Variants in MAGI1 observed in about 807,000 individuals in gnomAD.
MAGI1 encodes membrane associated guanylate kinase, WW and PDZ domain containing 1.
MAGI1 carries 58 observed loss-of-function variants against 139.9 expected under a neutral mutation model. The observed-to-expected ratio is 0.41, with a 90% confidence interval of 0.34 to 0.52. The LOEUF (loss-of-function observed/expected upper bound fraction) is 0.52, where lower values mean the gene tolerates loss of function less well. Among genes scored for constraint, MAGI1 ranks in the 20% least tolerant of loss-of-function variants. The pLI is 0.12. For missense variants in MAGI1, 1,874 were observed against 1,901.6 expected, an observed-to-expected ratio of 0.99 and a Z score of 0.27; for synonymous variants, 812 against 737.9, an observed-to-expected ratio of 1.10 and a Z score of -1.63.
intron 1 of MAGI1, among the ~76,000 whole-genome samples, chr3:65,953,560 C>T (rs977288579): frequency 6.6e-6 from 1 of 152,194 alleles, no homozygotes; most frequent in Non-Finnish European, 1.5e-5. Context: ...CCAATTGCAC[C>T]AGTGTCAAGA....
At chr3:65,619,859 T>A (rs2083574286) in intron 2 of MAGI1, 1 of 985,044 alleles carries the variant, frequency 1.0e-6, no homozygotes. Flanking sequence ...ACCTGTTTTC[T>A]CTTTTAGTAG....
At chr3:65,387,361 A>T in intron 14 of MAGI1, 1 of 589,258 alleles carries the variant, frequency 1.7e-6, no homozygotes, top group East Asian at 3.0e-5. Flanking sequence ...ATGTTAAAAG[A>T]CTATAGTTTG....
At chr3:65,664,659 A>G (rs2086398641) in intron 1 of MAGI1, among the ~76,000 whole-genome samples, 1 of 152,206 alleles carries the variant, frequency 6.6e-6, no homozygotes, top group South Asian at 2.1e-4. Flanking sequence ...CTCAAAATCA[A>G]TACTCACAGC....
At chr3:65,503,876 A>G (rs1198217844) in intron 2 of MAGI1, among the ~76,000 whole-genome samples, 1 of 152,202 alleles carries the variant, frequency 6.6e-6, no homozygotes, top group East Asian at 1.9e-4. Context: ...AAATCCAAGT[A>G]GCTCCAAAGG....
intron 1 of MAGI1, among the ~76,000 whole-genome samples, chr3:65,971,871 C>T (rs1415186088): frequency 6.6e-6 from 1 of 152,180 alleles, no homozygotes; most frequent in Non-Finnish European, 1.5e-5. Flanking sequence ...AAACTTCTTA[C>T]GCTGCTTCAC....
chr3:65,543,660 C>T (rs988907149), intron 2 of MAGI1, among the ~76,000 whole-genome samples: 1 of 151,912 alleles, frequency 6.6e-6, no homozygotes, highest in African/African-American at 2.4e-5. Flanking sequence ...AACAGAAAAC[C>T]AAACACCACA....
chr3:65,762,075 T>C (rs2037076443), intron 1 of MAGI1, among the ~76,000 whole-genome samples: 1 of 152,146 alleles, frequency 6.6e-6, no homozygotes, highest in Admixed American at 6.6e-5. Flanking sequence ...GCCTCATTTT[T>C]TCTTTATGGT....
chr3:65,380,136 C>T (rs1028848800), intron 16 of MAGI1, among the ~76,000 whole-genome samples: 1 of 152,164 alleles, frequency 6.6e-6, no homozygotes, highest in Admixed American at 6.5e-5. Flanking sequence ...GTGTCAACAT[C>T]GACTCTGATC....
intron 1 of MAGI1, among the ~76,000 whole-genome samples, chr3:65,849,287 A>C (rs1318717123): frequency 1.3e-5 from 2 of 151,034 alleles, no homozygotes; most frequent in Admixed American, 1.3e-4. Context: ...AGTCTCCCAA[A>C]GTGCTAGGAT....
At chr3:65,534,494 A>G (rs897709074) in intron 2 of MAGI1, among the ~76,000 whole-genome samples, 1 of 152,116 alleles carries the variant, frequency 6.6e-6, no homozygotes, top group Non-Finnish European at 1.5e-5. Flanking sequence ...TGTCTCTAAA[A>G]AAGAAAAAAA....
At chr3:65,403,005 A>T (rs1945034978) in intron 12 of MAGI1, among the ~76,000 whole-genome samples, 1 of 152,156 alleles carries the variant, frequency 6.6e-6, no homozygotes, top group African/African-American at 2.4e-5. Context: ...TGATACAGAG[A>T]ATCTGAGGAC....
intron 1 of MAGI1, among the ~76,000 whole-genome samples, chr3:65,836,933 G>C (rs1022225195): frequency 6.6e-6 from 1 of 152,092 alleles, no homozygotes; most frequent in Non-Finnish European, 1.5e-5. Context: ...CACTGTCTTT[G>C]AAACTGTTAA....
chr3:65,384,620 G>A (rs1210598943), intron 14 of MAGI1, among the ~76,000 whole-genome samples: 3 of 152,240 alleles, frequency 2.0e-5, no homozygotes, highest in Middle Eastern at 6.8e-3. Flanking sequence ...TGTACTCCTA[G>A]CTATTCGGGA....
At chr3:65,980,228 T>G (rs769962103) in intron 1 of MAGI1, among the ~76,000 whole-genome samples, 13 of 152,206 alleles carry the variant, frequency 8.5e-5, no homozygotes, top group Non-Finnish European at 1.8e-4. Context: ...AGCCATACTT[T>G]TGGAGATCAT....
intron 1 of MAGI1, among the ~76,000 whole-genome samples, chr3:65,920,954 G>A (rs544496762): frequency 2.6e-3 from 398 of 151,990 alleles, no homozygotes; most frequent in Non-Finnish European, 4.3e-3. Context: ...GCTTGAACCC[G>A]GGAAGCAGAG....
At chr3:65,689,241 T>C (rs1019388871) in intron 1 of MAGI1, among the ~76,000 whole-genome samples, 1 of 152,246 alleles carries the variant, frequency 6.6e-6, no homozygotes, top group African/African-American at 2.4e-5. Context: ...CAAGGAAATA[T>C]GCCTTAGCTT....
rs73833350 is a variant in MAGI1, at chr3:66,020,992, C to T, written c.313+17004G>A. 7.9e-4 allele frequency among the ~76,000 whole-genome samples: 120 copies of T among 152,182 alleles called. 1 individual carries two copies. The highest frequency in any genetic ancestry group is 2.7e-3 in the African/African-American group (113 of 41,534). On this transcript the variant is annotated intron_variant, in intron 1 of 22. Coordinates refer to ENST00000402939, the MANE Select transcript of MAGI1 (RefSeq NM_001033057.2). Reference sequence around the variant, plus strand: ...CAAAGGACACTAAAACATGATCTACCCCAAGCTTTCAAAGTTAAGAAGCAT... The same window carrying T: ...CAAAGGACACTAAAACATGATCTACTCCAAGCTTTCAAAGTTAAGAAGCAT...
At chr3:65,793,178 C>G (rs531836530) in intron 1 of MAGI1, among the ~76,000 whole-genome samples, 1 of 152,330 alleles carries the variant, frequency 6.6e-6, no homozygotes, top group South Asian at 2.1e-4. Flanking sequence ...GTGGAAATTG[C>G]TGGCAGGGCT....
chr3:65,533,213 G>A (rs1576221853), intron 2 of MAGI1, among the ~76,000 whole-genome samples: 2 of 152,124 alleles, frequency 1.3e-5, no homozygotes, highest in African/African-American at 4.8e-5. Flanking sequence ...TCTCAAATTA[G>A]TAGATTTAAC....
Sources: gnomAD v4.1 joint callset for allele counts (sites outside exome capture counted in the v4.1 genomes callset) on GRCh38, gnomAD v4.1.1 for gene constraint, MANE v1.5 for transcripts, NCBI Gene and HGNC (gene_info 2026-07-23, HGNC 2026-07-21) for gene names.